The following RIMS1 variants were observed in gnomAD, a reference collection of about 807,000 sequenced individuals.
RIMS1 encodes the protein regulating synaptic membrane exocytosis 1.
A neutral mutation model predicts 214.1 loss-of-function variants in RIMS1; 83 were observed. The observed-to-expected ratio is 0.39, with a 90% CI of 0.32 to 0.47. The LOEUF (loss-of-function observed/expected upper bound fraction) is 0.47. Among genes scored for constraint, RIMS1 ranks in the 20% least tolerant of loss-of-function variants. The probability of loss-of-function intolerance (pLI) is 0.99; values close to 1 mark genes in which losing one functional copy is unlikely to be tolerated. For synonymous variants in RIMS1, 793 were observed against 786.8 expected (o/e 1.01, Z -0.13); for missense variants, 2,050 against 2,161.8 (o/e 0.95, Z 1.03).
At chr6:71,909,311 A>G (rs1003437594) in intron 1 of RIMS1, among the ~76,000 whole-genome samples, 1 of 152,196 alleles carries the variant, frequency 6.6e-6, no homozygotes, top group African/African-American at 2.4e-5. Flanking sequence ...TGTTTATTTC[A>G]TACTTAAAGT....
chr6:71,975,493 A>C (rs1796903394), intron 2 of RIMS1, among the ~76,000 whole-genome samples: 2 of 152,142 alleles, frequency 1.3e-5, no homozygotes, highest in Non-Finnish European at 2.9e-5. Context: ...ATCAGGAGTA[A>C]ATTGAATCAT....
At chr6:72,223,397 A>T (rs974511310) in intron 6 of RIMS1, among the ~76,000 whole-genome samples, 1 of 152,222 alleles carries the variant, frequency 6.6e-6, no homozygotes, top group South Asian at 2.1e-4. Flanking sequence ...AATATACTAA[A>T]TTATATTGTG....
At chr6:72,178,149 T>A (rs1282119116) in intron 4 of RIMS1, among the ~76,000 whole-genome samples, 2 of 152,200 alleles carry the variant, frequency 1.3e-5, no homozygotes, top group African/African-American at 4.8e-5. Flanking sequence ...TTAACCTTCA[T>A]GAATTTTAAA....
At chr6:72,109,556 T>C (rs1399501702) in intron 4 of RIMS1, among the ~76,000 whole-genome samples, 2 of 151,416 alleles carry the variant, frequency 1.3e-5, no homozygotes, top group East Asian at 3.9e-4. Flanking sequence ...TTGTTTGTTT[T>C]TTTCTTGTAA....
intron 29 of RIMS1, among the ~76,000 whole-genome samples, chr6:72,355,790 T>C (rs1445416322): frequency 6.6e-6 from 1 of 152,130 alleles, no homozygotes; most frequent in Non-Finnish European, 1.5e-5. Flanking sequence ...TCTAATTCGA[T>C]ACCTGTCATT....
rs1243554172 is a variant in RIMS1 at position 72,208,840 on chromosome 6, A to G, written c.1679-24933A>G. Reference sequence around the variant, plus strand: ...TTATCTCTGAAAAATTCCCTACTCAACCCTGGCTCACATCCTGGCACTGTC... The same window carrying G: ...TTATCTCTGAAAAATTCCCTACTCAGCCCTGGCTCACATCCTGGCACTGTC... On this transcript the variant is annotated intron_variant, in intron 6 of 33. Transcript: ENST00000521978. 2.0e-5 allele frequency among the ~76,000 whole-genome samples: 3 copies of G among 151,850 alleles called. No individual in the cohort carries two copies. In the East Asian group the frequency reaches 5.8e-4, roughly 29 times the overall value.
intron 6 of RIMS1, among the ~76,000 whole-genome samples, chr6:72,231,170 A>C (rs761270934): frequency 9.2e-5 from 14 of 151,732 alleles, no homozygotes; most frequent in Non-Finnish European, 1.6e-4. Context: ...TAATAGTGAA[A>C]TCTTAGTTAT....
chr6:71,921,467 T>C (rs1458965988), intron 1 of RIMS1, among the ~76,000 whole-genome samples: 1 of 152,192 alleles, frequency 6.6e-6, no homozygotes, highest in African/African-American at 2.4e-5. Context: ...AGTTCCAAAC[T>C]CCCATTTTCC....
chr6:72,249,359 C>T (rs2071905752), intron 12 of RIMS1, among the ~76,000 whole-genome samples: 2 of 152,120 alleles, frequency 1.3e-5, no homozygotes, highest in Admixed American at 6.6e-5. Flanking sequence ...CCCCATTATT[C>T]TTTGGTCTAC....
rs2098830905 is a variant in RIMS1, at chr6:72,400,814, C to A, written c.*100C>A. 1 of 977,874 alleles carries A rather than the reference C, an allele frequency of 1.0e-6. No individual in the cohort carries two copies. Among genetic ancestry groups the A allele is most frequent in the Non-Finnish European group, 1.5e-6 (1 of 653,496 alleles). 60.6% of individuals were successfully genotyped at this position (977,874 alleles called of 1,614,324 possible). On this transcript the variant is annotated 3_prime_UTR_variant, in exon 34 of 34. Transcript: ENST00000521978. Reference sequence around the variant, plus strand: ...GAAAGCATTGTTGGAGACAGACAATCAACTTGTGTTTTGCCTGTAGTAGTT... The same window carrying A: ...GAAAGCATTGTTGGAGACAGACAATAAACTTGTGTTTTGCCTGTAGTAGTT...
intron 6 of RIMS1, among the ~76,000 whole-genome samples, chr6:72,198,068 A>G (rs1417867957): frequency 1.3e-5 from 2 of 152,136 alleles, no homozygotes; most frequent in Non-Finnish European, 2.9e-5. Context: ...AAAACAAAAT[A>G]GAACAACCAT....
chr6:72,287,754 C>T (rs911808445), intron 24 of RIMS1, among the ~76,000 whole-genome samples: 19 of 151,938 alleles, frequency 1.3e-4, no homozygotes, highest in Admixed American at 9.8e-4. Flanking sequence ...GCTATACGCC[C>T]GGCTAATTTT....
At chr6:72,108,256 G>A (rs2035194032) in intron 4 of RIMS1, among the ~76,000 whole-genome samples, 1 of 124,420 alleles carries the variant, frequency 8.0e-6, no homozygotes, top group Admixed American at 8.4e-5. Context: ...GGATAATTTT[G>A]TGTGTGTGTG....
At chr6:72,219,808 A>AT (rs199735131) in intron 6 of RIMS1, among the ~76,000 whole-genome samples, 11,035 of 148,874 alleles carry the variant, frequency 0.074, 464 homozygotes, top group Non-Finnish European at 0.1. Context: ...TATCCACTTA[A>AT]TTTTTTTTTT....
intron 5 of RIMS1, 96 bp from the exon 6 acceptor site, chr6:72,182,188 A>T: frequency 1.5e-6 from 2 of 1,314,440 alleles, no homozygotes; most frequent in African/African-American, 1.5e-5. Flanking sequence ...TAATTATTGT[A>T]ACTGAAATGA....
At chr6:71,936,190 G>A (rs539348076) in intron 1 of RIMS1, among the ~76,000 whole-genome samples, 1,577 of 151,634 alleles carry the variant, frequency 0.01, 16 homozygotes, top group Middle Eastern at 0.038. Flanking sequence ...AGCCGGGCGT[G>A]GTAGCGGGCG....
At position 71,922,969 on chromosome 6, in the gene RIMS1, TA is replaced by T. The variant is rs112821612; in HGVS notation, c.164+35790del. Among the ~76,000 whole-genome samples, 175 of 152,082 alleles carry T rather than the reference TA, an allele frequency of 1.2e-3. 1 individual carries two copies. Among genetic ancestry groups the T allele is most frequent in the African/African-American group, 4.0e-3 (166 of 41,474 alleles). ...TACATGCTCCATAAAAACGATAGCT[TA>T]AAAAAAATTAGTGTTTAATTGGCTG... On this transcript the variant is annotated intron_variant, in intron 1 of 33. Transcript: ENST00000521978.
chr6:72,013,717 A>C (rs1351176831), intron 2 of RIMS1, among the ~76,000 whole-genome samples: 1 of 152,190 alleles, frequency 6.6e-6, no homozygotes. Flanking sequence ...TTAAAATAAC[A>C]TCTTTACTGA....
At chr6:72,241,949 A>C (rs2067136087) in intron 9 of RIMS1, among the ~76,000 whole-genome samples, 1 of 152,188 alleles carries the variant, frequency 6.6e-6, no homozygotes, top group Non-Finnish European at 1.5e-5. Flanking sequence ...TATTATATGG[A>C]GGGCATGCTG....
Sources: gnomAD v4.1 joint callset for allele counts (sites outside exome capture counted in the v4.1 genomes callset) on GRCh38, gnomAD v4.1.1 for gene constraint, MANE v1.5 for transcripts, NCBI Gene and HGNC (gene_info 2026-07-23, HGNC 2026-07-21) for gene names.